The following GM2A variants were observed in gnomAD, a reference collection of about 807,000 sequenced individuals.
The protein encoded by GM2A is ganglioside GM2 activator.
A neutral mutation model predicts 12.9 loss-of-function variants in GM2A; 7 were observed. The ratio of observed to expected loss-of-function variants is 0.54; its 90% CI spans 0.31 to 1.02. The LOEUF (loss-of-function observed/expected upper bound fraction) is 1.02. GM2A is among the 50% of genes least tolerant of loss of function. The pLI is 0.05. For synonymous variants in GM2A, 101 were observed against 96.0 expected (o/e 1.05, Z -0.30); for missense variants, 246 against 241.0 (o/e 1.02, Z -0.14).
intron 1 of GM2A, among the ~76,000 whole-genome samples, chr5:151,255,487 G>T (rs1753668498): frequency 6.6e-6 from 1 of 152,132 alleles, no homozygotes; most frequent in Non-Finnish European, 1.5e-5. Context: ...GATACTGAAA[G>T]CAGGGAGGCT....
intron 1 of GM2A, among the ~76,000 whole-genome samples, chr5:151,256,996 T>C (rs1233536861): frequency 6.6e-6 from 1 of 152,206 alleles, no homozygotes; most frequent in African/African-American, 2.4e-5. Context: ...TGAGAAGATA[T>C]CATTATGTCC....
At chr5:151,260,733 T>A (rs1753781429) in intron 2 of GM2A, among the ~76,000 whole-genome samples, 1 of 152,230 alleles carries the variant, frequency 6.6e-6, no homozygotes, top group African/African-American at 2.4e-5. Flanking sequence ...TACAATTACA[T>A]ACATAACACA....
At chr5:151,263,858 C>G (rs1410687884) in intron 2 of GM2A, among the ~76,000 whole-genome samples, 2 of 152,140 alleles carry the variant, frequency 1.3e-5, no homozygotes, top group Admixed American at 1.3e-4. Context: ...TCTGATCTTG[C>G]TGTAGTGAAA....
intron 1 of GM2A, among the ~76,000 whole-genome samples, chr5:151,257,015 A>G (rs575779329): frequency 5.9e-5 from 9 of 152,334 alleles, no homozygotes; most frequent in African/African-American, 1.4e-4. Context: ...CCACATAATA[A>G]ATGAGGAAAT....
In GM2A at chr5:151,270,160, A is replaced by G; in HGVS notation, c.*2709A>G. The G allele has an allele frequency of 8.3e-7, 1 of 1,199,606 alleles. No individual in the cohort carries two copies. The highest frequency in any genetic ancestry group is 1.0e-6 in the Non-Finnish European group (1 of 961,628). 74.3% of individuals were successfully genotyped at this position (1,199,606 alleles called of 1,614,324 possible). A position where few individuals can be genotyped will look rare whatever the true frequency, so the allele number is the denominator to read the frequency against. ...CATCTTCAATCGCAGGTCAAAGCAG[A>G]CTTTAATAAATGGTGCTGAGCCAAC... On this transcript the variant is annotated 3_prime_UTR_variant, in exon 4 of 4. Coordinates refer to ENST00000357164, the MANE Select transcript of GM2A (RefSeq NM_000405.5).
At chr5:151,262,545 C>T (rs115401003) in intron 2 of GM2A, among the ~76,000 whole-genome samples, 1,534 of 152,336 alleles carry the variant, frequency 0.01, 20 homozygotes, top group African/African-American at 0.031. Context: ...TTGACCCAGA[C>T]ACAAGTCCTG....
rs35982513 is a variant in GM2A, at chr5:151,268,161, C to CTT, written c.*722_*723dup. On this transcript the variant is annotated 3_prime_UTR_variant, in exon 4 of 4. Transcript: ENST00000357164. ...TTCCAGGCTTGATTTCGATTTTTCG[C>CTT]TTTTTTTTTTTTTGAGACAGAATCT... 51,520 of 825,994 alleles carry CTT rather than the reference C, an allele frequency of 0.062. 236 individuals are homozygous for CTT. The highest frequency in any genetic ancestry group is 0.12 in the African/African-American group (5,947 of 51,270). 51.2% of individuals were successfully genotyped at this position (825,994 alleles called of 1,614,324 possible). A position where few individuals can be genotyped will look rare whatever the true frequency, so the allele number is the denominator to read the frequency against.
chr5:151,261,260 A>T (rs1293008652), intron 2 of GM2A, among the ~76,000 whole-genome samples: 2 of 152,018 alleles, frequency 1.3e-5, no homozygotes, highest in East Asian at 3.9e-4. Flanking sequence ...CCTGAGTTCA[A>T]GCAATCCTCC....
intron 3 of GM2A, 141 bp downstream of exon 3, chr5:151,267,054 C>T: frequency 1.2e-6 from 1 of 865,316 alleles, no homozygotes; most frequent in Non-Finnish European, 1.9e-6. Flanking sequence ...AATCACTTAT[C>T]TTCCGGGAGC....
chr5:151,265,410 G>A (rs1296435011), intron 2 of GM2A, among the ~76,000 whole-genome samples: 1 of 152,196 alleles, frequency 6.6e-6, no homozygotes, highest in East Asian at 1.9e-4. Flanking sequence ...CTTAGAAACA[G>A]AGCCCCAAAT....
chr5:151,266,911 G>A lies in GM2A; in HGVS notation c.424G>A (p.Glu142Lys), dbSNP rs1753898556. The A allele has an allele frequency of 5.6e-6, 9 of 1,612,280 alleles. No individual in the cohort carries two copies. The highest frequency in any genetic ancestry group is 6.8e-6 in the Non-Finnish European group (8 of 1,178,454). The change falls in exon 3 of 4, where the codon GAA (glutamate) becomes AAA (lysine). Residue 142 changes from glutamate (E) to lysine (K), a missense_variant and splice_region_variant. Physicochemically the swap from Glu to Lys is moderately conservative, Grantham distance 56. Coordinates refer to ENST00000357164, the MANE Select transcript of GM2A (RefSeq NM_000405.5). ...YGLPCHCPFK[E>K]GTYSLPKSEF... ...GCTTCCTTGCCACTGTCCCTTCAAA[G>A]AAGTAAGTACTTAGGGAGGAGAGAG...
At chr5:151,257,600 C>T (rs1753715674) in intron 1 of GM2A, among the ~76,000 whole-genome samples, 1 of 152,196 alleles carries the variant, frequency 6.6e-6, no homozygotes, top group African/African-American at 2.4e-5. Context: ...GTAGTACTGT[C>T]CTTCAGTGGG....
In GM2A at chr5:151,266,863, C is replaced by A. The variant is rs746349677; in HGVS notation, c.376C>A (p.Pro126Thr). The stretch of plus-strand genomic sequence containing the variant: ...GTTAATTCCTACTGGGGAGCCCTGC[C>A]CAGAGCCCCTGCGTACCTATGGGCT... ...DMLIPTGEPC[P>T]EPLRTYGLPC... Residue 126 changes from proline to threonine, a missense_variant, in exon 3 of 4, where the codon CCA becomes ACA. By Grantham distance (38) the Pro-to-Thr change is conservative. Transcript: ENST00000357164. 2.5e-6 allele frequency: 4 copies of A among 1,613,936 alleles called. No individual in the cohort carries two copies. The highest frequency in any genetic ancestry group is 3.4e-6 in the Non-Finnish European group (4 of 1,179,864).
At chr5:151,263,089 CT>C (rs869289721) in intron 2 of GM2A, among the ~76,000 whole-genome samples, 15,701 of 119,474 alleles carry the variant, frequency 0.13, 630 homozygotes, top group East Asian at 0.21. Flanking sequence ...TCCCCAATTT[CT>C]TTTTTTTTTT....
At chr5:151,262,972 A>G (rs1753823786) in intron 2 of GM2A, among the ~76,000 whole-genome samples, 1 of 150,452 alleles carries the variant, frequency 6.6e-6, no homozygotes, top group Admixed American at 6.6e-5. Context: ...CTCCTTTTCC[A>G]TTGCTTTATT....
At chr5:151,260,623 A>G (rs2114033419) in intron 2 of GM2A, among the ~76,000 whole-genome samples, 1 of 152,234 alleles carries the variant, frequency 6.6e-6, no homozygotes, top group South Asian at 2.1e-4. Flanking sequence ...GTCCCAAAAT[A>G]AATAAATAAA....
intron 2 of GM2A, among the ~76,000 whole-genome samples, chr5:151,262,940 A>G (rs1753823373): frequency 6.6e-6 from 1 of 152,074 alleles, no homozygotes; most frequent in Non-Finnish European, 1.5e-5. Context: ...ACAAACCATT[A>G]AGATGGGTTT....
chr5:151,269,872 C>A lies in GM2A; in HGVS notation c.*2421C>A. ...TTCTAATACCTTTCCTTTTTCAAAC[C>A]TATACTGTTGTTGGTGAATTCTTTT... is the stretch of plus-strand genomic sequence containing the variant. On this transcript the variant is annotated 3_prime_UTR_variant, in exon 4 of 4. Coordinates refer to ENST00000357164, the MANE Select transcript of GM2A (RefSeq NM_000405.5). 2 of 641,056 alleles carry A rather than the reference C, an allele frequency of 3.1e-6. No individual in the cohort carries two copies. Among genetic ancestry groups the A allele is most frequent in the Non-Finnish European group, 4.1e-6 (2 of 488,404 alleles). 39.7% of individuals were successfully genotyped at this position (641,056 alleles called of 1,614,324 possible).
intron 1 of GM2A, among the ~76,000 whole-genome samples, chr5:151,257,408 C>T (rs1405385592): frequency 2.0e-5 from 3 of 152,044 alleles, no homozygotes; most frequent in African/African-American, 7.2e-5. Context: ...ACTCTGGATA[C>T]CCTACCCCCA....
Sources: gnomAD v4.1 joint callset for allele counts (sites outside exome capture counted in the v4.1 genomes callset) on GRCh38, gnomAD v4.1.1 for gene constraint, MANE v1.5 for transcripts, NCBI Gene and HGNC (gene_info 2026-07-23, HGNC 2026-07-21) for gene names.